The following PSG7 variants were observed in gnomAD, a reference collection of about 807,000 sequenced individuals.
PSG7 encodes pregnancy specific beta-1-glycoprotein 7.
A neutral mutation model predicts 45.6 loss-of-function variants in PSG7; 57 were observed. That is an observed-to-expected ratio of 1.25 (90% CI 1.01 to 1.56). The LOEUF is 1.56. Among genes scored for constraint, PSG7 ranks in the 40% most tolerant of loss-of-function variants. The pLI is 0.00. For missense variants in PSG7, 796 were observed against 508.4 expected (o/e 1.57, Z -5.44); for synonymous variants, 298 against 194.4 (o/e 1.53, Z -4.43).
At position 42,926,467 on chromosome 19, in the gene PSG7, C is replaced by A. The variant is rs759691674; in HGVS notation, c.959G>T (p.Arg320Leu). Residue 320 changes from arginine (R) to leucine (L), a missense_variant, in exon 4 of 6, where the codon CGC becomes CTC. Transcript: ENST00000406070. ...CEIRDRYGGI[R>L]SDPVTLNVLY... Reference sequence around the variant, plus strand: ...GACATTCAGGGTGACTGGGTCACTGCGGATGCCACCATATCGGTCCCGTAT... The same window carrying A: ...GACATTCAGGGTGACTGGGTCACTGAGGATGCCACCATATCGGTCCCGTAT... 1.2e-6 allele frequency: 2 copies of A among 1,611,618 alleles called. No homozygotes were observed. Among genetic ancestry groups the A allele is most frequent in the Non-Finnish European group, 1.7e-6 (2 of 1,178,994 alleles).
rs1972997604 is a variant in PSG7 at position 42,930,535 on chromosome 19, A to G, written c.431-815T>C. On this transcript the variant is annotated intron_variant, in intron 2 of 5. Coordinates refer to ENST00000406070, the MANE Select transcript of PSG7 (RefSeq NM_002783.3). Reference sequence around the variant, plus strand: ...GAAATACATGTTGATGTTTGCAAATACAGAACTGACTGGTGGAAAGGGTGA... The same window carrying G: ...GAAATACATGTTGATGTTTGCAAATGCAGAACTGACTGGTGGAAAGGGTGA... Among the ~76,000 whole-genome samples, 3 of 151,762 alleles carry G rather than the reference A, an allele frequency of 2.0e-5. 1 individual carries two copies. The highest frequency in any genetic ancestry group is 2.1e-4 in the South Asian group (1 of 4,790).
intron 3 of PSG7, among the ~76,000 whole-genome samples, chr19:42,928,554 G>A (rs1242305693): frequency 1.3e-5 from 2 of 151,512 alleles, no homozygotes; most frequent in African/African-American, 4.9e-5. Flanking sequence ...AATGTGAATT[G>A]AAATTATTTT....
chr19:42,933,293 A>ATTT (rs1286434390), intron 2 of PSG7, among the ~76,000 whole-genome samples: 4 of 10,544 alleles, frequency 3.8e-4, no homozygotes, highest in African/African-American at 1.1e-3. Flanking sequence ...ATATATATAT[A>ATTT]TATATATATA....
chr19:42,926,324 T>C (rs1039253649), intron 4 of PSG7, 114 bp downstream of exon 4: 3 of 1,546,732 alleles, frequency 1.9e-6, no homozygotes, highest in Non-Finnish European at 2.6e-6. Context: ...TGTCCAGAAG[T>C]AAATATGTCT....
At chr19:42,927,093 C>A in intron 3 of PSG7, 1 of 286,018 alleles carries the variant, frequency 3.5e-6, no homozygotes, top group South Asian at 6.6e-5. Flanking sequence ...CAAATTGCAT[C>A]CTACTTTGCC....
chr19:42,935,917 C>CACACAA lies in PSG7; in HGVS notation c.65-149_65-148insTTGTGT, dbSNP rs1555745929. 1,026 of 875,394 alleles carry CACACAA rather than the reference C, an allele frequency of 1.2e-3. 8 individuals carry two copies. The African/African-American group carries it at 0.018, about 15-fold the overall frequency. 54.2% of individuals were successfully genotyped at this position (875,394 alleles called of 1,614,324 possible). ...ACACACACACACACACACACACAAA[C>CACACAA]ACACACACACACATATAAAAGGGGC... is the stretch of plus-strand genomic sequence containing the variant. On this transcript the variant is annotated intron_variant, in intron 1 of 5. Coordinates refer to ENST00000406070, the MANE Select transcript of PSG7 (RefSeq NM_002783.3).
At chr19:42,931,543 G>T (rs1341490571) in intron 2 of PSG7, among the ~76,000 whole-genome samples, 2 of 151,678 alleles carry the variant, frequency 1.3e-5, no homozygotes, top group Admixed American at 1.3e-4. Flanking sequence ...AAACAGGTAT[G>T]TGAAATGCTT....
Position 42,937,192 on chromosome 19 carries a change from G to A in PSG7, c.-116C>T. 1.4e-6 allele frequency: 2 copies of A among 1,434,798 alleles called. No homozygotes were observed. Among genetic ancestry groups the A allele is most frequent in the African/African-American group, 1.4e-5 (1 of 69,866 alleles). 88.9% of individuals were successfully genotyped at this position (1,434,798 alleles called of 1,614,324 possible). ...TCCTTCTGCACTGAGCCTCTTCCCG[G>A]GGCAGGAGCACTTCTCAAGCTCATG... On this transcript the variant is annotated 5_prime_UTR_variant, in exon 1 of 6. Coordinates refer to ENST00000406070, the MANE Select transcript of PSG7 (RefSeq NM_002783.3).
At chr19:42,928,584 G>A (rs1972945587) in intron 3 of PSG7, among the ~76,000 whole-genome samples, 2 of 151,384 alleles carry the variant, frequency 1.3e-5, no homozygotes, top group South Asian at 2.1e-4. Context: ...TTTTCAGATT[G>A]TTCATTGTTA....
At chr19:42,933,980 C>T (rs117489840) in intron 2 of PSG7, among the ~76,000 whole-genome samples, 19,999 of 151,378 alleles carry the variant, frequency 0.13, 1,769 homozygotes, top group Admixed American at 0.17. Flanking sequence ...ATCCAAGATC[C>T]AGTCTCTAAA....
At chr19:42,929,332 C>T in intron 3 of PSG7, 110 bp downstream of exon 3, 2 of 1,593,790 alleles carry the variant, frequency 1.3e-6, no homozygotes, top group Middle Eastern at 1.7e-4. Flanking sequence ...CTTTGATGTC[C>T]AGGGGTAAAG....
chr19:42,930,473 C>T (rs1481673923), intron 2 of PSG7, among the ~76,000 whole-genome samples: 1 of 151,684 alleles, frequency 6.6e-6, no homozygotes, highest in African/African-American at 2.4e-5. Flanking sequence ...TCCCTTTCCC[C>T]TGTAGAGGGC....
chr19:42,924,802 T>C lies in PSG7; in HGVS notation c.*6A>G. The C allele has an allele frequency of 1.3e-6, 1 of 764,950 alleles. No individual in the cohort carries two copies. Among genetic ancestry groups the C allele is most frequent in the Non-Finnish European group, 2.4e-6 (1 of 416,820 alleles). 47.4% of individuals were successfully genotyped at this position (764,950 alleles called of 1,614,324 possible). ...GAGAAGATGGAATTGGAGGAACTAG[T>C]AGAATTCAGGGTAATGTCCAGTCTA... On this transcript the variant is annotated 3_prime_UTR_variant, in exon 6 of 6. Coordinates refer to ENST00000406070, the MANE Select transcript of PSG7 (RefSeq NM_002783.3).
chr19:42,926,172 C>A lies in PSG7; in HGVS notation c.989-145G>T, dbSNP rs181004931. 3.9e-5 allele frequency: 56 copies of A among 1,443,456 alleles called. 1 individual carries two copies. The African/African-American group carries it at 6.9e-4, about 18-fold the overall frequency. 89.4% of individuals were successfully genotyped at this position (1,443,456 alleles called of 1,614,324 possible). ...CCCCTCTATGTTCACTGAGCCGAAG[C>A]CTGAGGTATTCACCTGTTTCTCCCA... On this transcript the variant is annotated intron_variant, in intron 4 of 5. Coordinates refer to ENST00000406070, the MANE Select transcript of PSG7 (RefSeq NM_002783.3).
At chr19:42,934,753 C>T (rs139155746) in intron 2 of PSG7, among the ~76,000 whole-genome samples, 19,364 of 150,930 alleles carry the variant, frequency 0.13, 1,408 homozygotes, top group Admixed American at 0.17. Flanking sequence ...GTGTCCTAGG[C>T]CTCCTAAGGC....
intron 3 of PSG7, among the ~76,000 whole-genome samples, chr19:42,928,303 T>A (rs1241417676): frequency 6.6e-6 from 1 of 151,568 alleles, no homozygotes; most frequent in Non-Finnish European, 1.5e-5. Context: ...AGGACAGAGT[T>A]TTCTAATTCT....
intron 2 of PSG7, 42 bp downstream of exon 2, chr19:42,935,362 C>T (rs1445620428): frequency 1.2e-6 from 2 of 1,606,766 alleles, no homozygotes; most frequent in Non-Finnish European, 8.5e-7. Flanking sequence ...GTAGAAATGA[C>T]CCCTGCCCCC....
At chr19:42,935,358 A>G (rs1204192851) in intron 2 of PSG7, 46 bp downstream of exon 2, 20 of 1,606,424 alleles carry the variant, frequency 1.2e-5, no homozygotes, top group Admixed American at 1.7e-5. Context: ...TGAAGTAGAA[A>G]TGACCCCTGC....
intron 2 of PSG7, among the ~76,000 whole-genome samples, chr19:42,934,921 T>G (rs910621748): frequency 6.6e-6 from 1 of 151,608 alleles, no homozygotes; most frequent in Admixed American, 6.6e-5. Flanking sequence ...GGAAAATTCT[T>G]AGTCCCAGTA....
Sources: allele counts gnomAD v4.1 joint callset (sites outside exome capture counted in the v4.1 genomes callset), GRCh38; gene constraint gnomAD v4.1.1; transcripts MANE v1.5; gene names NCBI Gene and HGNC (gene_info 2026-07-23, HGNC 2026-07-21).